Variants in ZNF277 observed in about 807,000 individuals in gnomAD.
ZNF277 encodes zinc finger protein 277.
A neutral mutation model predicts 60.7 loss-of-function variants in ZNF277; 55 were observed. The ratio of observed to expected loss-of-function variants is 0.91; its 90% CI spans 0.73 to 1.13. The LOEUF (loss-of-function observed/expected upper bound fraction) is 1.13. Ranked by LOEUF, ZNF277 falls within the 50% of genes most tolerant of loss-of-function variation. The probability of loss-of-function intolerance (pLI) is 0.00; values close to 1 mark genes in which losing one functional copy is unlikely to be tolerated. For missense variants in ZNF277, 510 were observed against 523.0 expected (o/e 0.98, Z 0.24); for synonymous variants, 178 against 179.3 (o/e 0.99, Z 0.06).
At chr7:112,314,274 T>A (rs1792793665) in intron 4 of ZNF277, among the ~76,000 whole-genome samples, 1 of 152,034 alleles carries the variant, frequency 6.6e-6, no homozygotes, top group East Asian at 1.9e-4. Context: ...CCATTATTCT[T>A]TCCACTCACC....
Position 112,318,222 on chromosome 7 carries a change from C to A in ZNF277, c.506C>A (p.Thr169Asn). The A allele has an allele frequency of 6.2e-7, 1 of 1,613,326 alleles. No individual in the cohort carries two copies. The highest frequency in any genetic ancestry group is 8.5e-7 in the Non-Finnish European group (1 of 1,179,506). ...CAACAGCAGCAAGAACGAAATGATA[C>A]CAATTTTCATGGCGTTTGTATGTTT... ...LEQQQQERND[T>N]NFHGVCMFCN... The change falls in exon 5 of 12, where the codon ACC becomes AAC. Residue 169 changes from threonine (T) to asparagine (N), a missense_variant. Thr to Asn is a moderately conservative substitution (Grantham distance 65). Transcript: ENST00000361822.
chr7:112,327,354 A>C (rs1259144268), intron 5 of ZNF277, among the ~76,000 whole-genome samples: 2 of 152,280 alleles, frequency 1.3e-5, no homozygotes, highest in East Asian at 3.9e-4. Context: ...CACTGATCTG[A>C]CAGGAGGCGG....
Position 112,250,916 on chromosome 7 carries a change from G to A in ZNF277, c.92-35957G>A, listed in dbSNP as rs185455580. ...TCTACCAGTCTCCCTTCTTCAAGTC[G>A]GCTGTCAGCACATCATTCCCAAGTT... On this transcript the variant is annotated intron_variant, in intron 1 of 11. Coordinates refer to ENST00000361822, the MANE Select transcript of ZNF277 (RefSeq NM_021994.3). Among the ~76,000 whole-genome samples the A allele has an allele frequency of 7.9e-4, 120 of 152,136 alleles. 1 individual carries two copies. Among genetic ancestry groups the A allele is most frequent in the East Asian group, 5.8e-4 (3 of 5,172 alleles).
intron 1 of ZNF277, among the ~76,000 whole-genome samples, chr7:112,238,229 G>A (rs1034427456): frequency 1.1e-4 from 16 of 152,208 alleles, no homozygotes; most frequent in Non-Finnish European, 1.6e-4. Context: ...GCAGCTTAGC[G>A]CAGAGAGTGC....
At chr7:112,292,385 C>A (rs1262764346) in intron 2 of ZNF277, among the ~76,000 whole-genome samples, 6 of 152,112 alleles carry the variant, frequency 3.9e-5, no homozygotes, top group African/African-American at 1.4e-4. Context: ...AACTTAGGAG[C>A]AGTTCAGACT....
At chr7:112,253,665 A>G (rs750523910) in intron 1 of ZNF277, among the ~76,000 whole-genome samples, 2 of 152,108 alleles carry the variant, frequency 1.3e-5, no homozygotes, top group Non-Finnish European at 2.9e-5. Context: ...CTTATTGTAC[A>G]TAATAAAATC....
intron 2 of ZNF277, chr7:112,288,951 T>TTAAAA (rs1792135982): frequency 1.4e-5 from 1 of 70,388 alleles, no homozygotes; most frequent in Non-Finnish European, 2.5e-5. Context: ...CTGCCTTTCT[T>TTAAAA]AAAAAAAAAA....
intron 1 of ZNF277, among the ~76,000 whole-genome samples, chr7:112,213,019 G>T (rs889797774): frequency 6.6e-6 from 1 of 152,160 alleles, no homozygotes; most frequent in African/African-American, 2.4e-5. Flanking sequence ...TGGTGACATG[G>T]TTTGGCTGTG....
chr7:112,280,343 T>C (rs1435939530), intron 1 of ZNF277, among the ~76,000 whole-genome samples: 1 of 152,132 alleles, frequency 6.6e-6, no homozygotes, highest in African/African-American at 2.4e-5. Context: ...CCAGAATCAA[T>C]AAAAATGTTA....
intron 1 of ZNF277, among the ~76,000 whole-genome samples, chr7:112,220,986 C>G (rs1055003232): frequency 6.6e-6 from 1 of 152,156 alleles, no homozygotes; most frequent in Non-Finnish European, 1.5e-5. Context: ...CTCTTCTGGT[C>G]CGTGTTTGTT....
At chr7:112,246,801 T>A (rs749383743) in intron 1 of ZNF277, among the ~76,000 whole-genome samples, 3 of 152,196 alleles carry the variant, frequency 2.0e-5, no homozygotes, top group Non-Finnish European at 4.4e-5. Context: ...AAGCACTGAA[T>A]AAATGCTGAT....
intron 7 of ZNF277, among the ~76,000 whole-genome samples, chr7:112,331,948 C>G (rs746797725): frequency 6.6e-6 from 1 of 152,184 alleles, no homozygotes; most frequent in South Asian, 2.1e-4. Context: ...GAGGAGACTT[C>G]AAGGGATTTG....
chr7:112,248,043 A>G (rs1189841193), intron 1 of ZNF277, among the ~76,000 whole-genome samples: 2 of 152,144 alleles, frequency 1.3e-5, no homozygotes, highest in East Asian at 3.9e-4. Context: ...TGGGTACTCA[A>G]TAGGTGTCAG....
At chr7:112,209,421 C>T (rs1451378076) in intron 1 of ZNF277, among the ~76,000 whole-genome samples, 1 of 152,124 alleles carries the variant, frequency 6.6e-6, no homozygotes, top group African/African-American at 2.4e-5. Flanking sequence ...ACCAATGTTT[C>T]AATGACTAGT....
At chr7:112,241,015 A>T (rs1790932543) in intron 1 of ZNF277, among the ~76,000 whole-genome samples, 1 of 152,154 alleles carries the variant, frequency 6.6e-6, no homozygotes, top group African/African-American at 2.4e-5. Context: ...GATCATATCA[A>T]ATTAAAAACC....
rs201540298 is a variant in ZNF277 at position 112,215,207 on chromosome 7, G to GGCT, written c.91+8413_91+8415dup. 2.2e-4 allele frequency among the ~76,000 whole-genome samples: 33 copies of GGCT among 152,268 alleles called. No individual in the cohort carries two copies. In the East Asian group the frequency reaches 5.8e-3, roughly 27 times the overall value. ...AATAGGACCTCATTATTACTATTATGGCTGCTGCTGCTGCTACTGCTACTA... is the reference window on the plus strand; with the variant it reads ...AATAGGACCTCATTATTACTATTATGGCTGCTGCTGCTGCTGCTACTGCTACTA... On this transcript the variant is annotated intron_variant, in intron 1 of 11. Coordinates refer to ENST00000361822, the MANE Select transcript of ZNF277 (RefSeq NM_021994.3).
At chr7:112,267,737 C>T (rs143117459) in intron 1 of ZNF277, among the ~76,000 whole-genome samples, 1,917 of 152,132 alleles carry the variant, frequency 0.013, 48 homozygotes, top group African/African-American at 0.043. Context: ...TTTGAGGCTT[C>T]GGACCTGAGA....
chr7:112,256,590 T>A (rs772821611), intron 1 of ZNF277, among the ~76,000 whole-genome samples: 1 of 151,988 alleles, frequency 6.6e-6, no homozygotes, highest in Non-Finnish European at 1.5e-5. Flanking sequence ...GGATTACAGA[T>A]GTGCACCACC....
intron 1 of ZNF277, among the ~76,000 whole-genome samples, chr7:112,256,950 T>C (rs1587123144): frequency 6.6e-6 from 1 of 152,124 alleles, no homozygotes; most frequent in East Asian, 1.9e-4. Flanking sequence ...TACAAAACAG[T>C]TCTATGTTTG....
Sources: gnomAD v4.1 joint callset for allele counts (sites outside exome capture counted in the v4.1 genomes callset) on GRCh38, gnomAD v4.1.1 for gene constraint, MANE v1.5 for transcripts, NCBI Gene and HGNC (gene_info 2026-07-23, HGNC 2026-07-21) for gene names.